Variants in BAZ2B observed in about 807,000 individuals in gnomAD.
The protein encoded by BAZ2B is bromodomain adjacent to zinc finger domain protein 2B.
In BAZ2B, 91 loss-of-function variants were observed where a neutral mutation model predicts 246.0. The ratio of observed to expected loss-of-function variants is 0.37; its 90% CI spans 0.31 to 0.44. The LOEUF is 0.44. Ranked by LOEUF, BAZ2B falls within the 20% of genes least tolerant of loss-of-function variation. The probability of loss-of-function intolerance (pLI) is 1.00; values close to 1 mark genes in which losing one functional copy is unlikely to be tolerated. For synonymous variants in BAZ2B, 855 were observed against 860.0 expected (o/e 0.99, Z 0.10); for missense variants, 2,332 against 2,533.7 (o/e 0.92, Z 1.71).
At chr2:159,440,907 T>C (rs1220191574) in intron 6 of BAZ2B, among the ~76,000 whole-genome samples, 1 of 152,186 alleles carries the variant, frequency 6.6e-6, no homozygotes, top group Non-Finnish European at 1.5e-5. Context: ...CCATCATTTC[T>C]TGAGTTTTCT....
chr2:159,338,761 T>C (rs1185214077), intron 31 of BAZ2B, among the ~76,000 whole-genome samples: 1 of 152,196 alleles, frequency 6.6e-6, no homozygotes, highest in Non-Finnish European at 1.5e-5. Flanking sequence ...TGGGATGATA[T>C]TGCCTGGTCT....
the BAZ2B span, among the ~76,000 whole-genome samples, chr2:159,692,409 C>T: frequency 2.6e-5 from 4 of 152,136 alleles, no homozygotes; most frequent in Non-Finnish European, 4.4e-5. Context: ...CTGTCCACCT[C>T]GGCCTCCCAA....
chr2:159,548,555 T>TC (rs1241657500), intron 2 of BAZ2B, among the ~76,000 whole-genome samples: 5 of 152,226 alleles, frequency 3.3e-5, no homozygotes, highest in African/African-American at 1.2e-4. Context: ...GTACCTAGCA[T>TC]CTTAAAAAAT....
intron 2 of BAZ2B, among the ~76,000 whole-genome samples, chr2:159,540,277 C>T (rs2086505872): frequency 6.6e-6 from 1 of 152,162 alleles, no homozygotes; most frequent in Non-Finnish European, 1.5e-5. Flanking sequence ...AAAATTCCTA[C>T]CTAGGAATGT....
chr2:159,675,166 C>G, the BAZ2B span, among the ~76,000 whole-genome samples: 1 of 152,016 alleles, frequency 6.6e-6, no homozygotes, highest in Non-Finnish European at 1.5e-5. Context: ...CTTTGGGAAG[C>G]CTGGGTGGGA....
At chr2:159,322,995 T>A (rs199971482) in intron 36 of BAZ2B, among the ~76,000 whole-genome samples, 1 of 62,630 alleles carries the variant, frequency 1.6e-5, no homozygotes, top group Non-Finnish European at 7.3e-5. Flanking sequence ...ATTTTGTAGC[T>A]TTTTTTTTTT....
the BAZ2B span, among the ~76,000 whole-genome samples, chr2:159,643,732 C>G: frequency 1.5e-4 from 23 of 151,914 alleles, no homozygotes; most frequent in East Asian, 4.5e-3. Context: ...AAAAATTAGC[C>G]AGGTGTGGTG....
chr2:159,440,500 C>T lies in BAZ2B; in HGVS notation c.697-1288G>A, dbSNP rs922259850. Among the ~76,000 whole-genome samples the T allele has an allele frequency of 4.7e-5, 7 of 148,694 alleles. No individual in the cohort carries two copies. In the East Asian group the frequency reaches 5.9e-4, roughly 13 times the overall value. ...GAGAGTCACTCCCGCCATTATATTC[C>T]GTTTGCAATGACTCTTGTTTTTTTT... On this transcript the variant is annotated intron_variant, in intron 6 of 36. Transcript: ENST00000392783.
chr2:159,501,259 T>C (rs1311068904), intron 2 of BAZ2B, among the ~76,000 whole-genome samples: 1 of 107,980 alleles, frequency 9.3e-6, no homozygotes, highest in Non-Finnish European at 2.0e-5. Context: ...CTGAGCATGG[T>C]GGCTTGCACC....
chr2:159,375,163 A>G (rs2149433167), intron 25 of BAZ2B, among the ~76,000 whole-genome samples: 1 of 152,262 alleles, frequency 6.6e-6, no homozygotes, highest in Admixed American at 6.5e-5. Flanking sequence ...AGCTATGATC[A>G]TGCCACTGCA....
chr2:159,345,038 T>C (rs1575823415), intron 31 of BAZ2B, among the ~76,000 whole-genome samples: 2 of 151,970 alleles, frequency 1.3e-5, no homozygotes, highest in Non-Finnish European at 2.9e-5. Context: ...GGAGAAACCC[T>C]GTCTCTACTA....
chr2:159,607,525 A>G (rs1277961172), intron 1 of BAZ2B, among the ~76,000 whole-genome samples: 1 of 152,176 alleles, frequency 6.6e-6, no homozygotes, highest in Non-Finnish European at 1.5e-5. Flanking sequence ...AAACTGATTA[A>G]CCCATCTTCT....
intron 20 of BAZ2B, among the ~76,000 whole-genome samples, chr2:159,395,153 ACC>A (rs2063841730): frequency 6.6e-6 from 1 of 152,152 alleles, no homozygotes; most frequent in Admixed American, 6.5e-5. Flanking sequence ...CAGCAGGGGA[ACC>A]TGTGTCTTTC....
chr2:159,415,185 G>GC (rs1181693214), intron 13 of BAZ2B, among the ~76,000 whole-genome samples: 1 of 152,052 alleles, frequency 6.6e-6, no homozygotes. Context: ...AGTGGCTCAT[G>GC]CCTATAACAC....
intron 33 of BAZ2B, 79 bp from the exon 34 acceptor site, chr2:159,332,765 T>C (rs2064994812): frequency 6.8e-6 from 10 of 1,465,940 alleles, no homozygotes; most frequent in Non-Finnish European, 9.4e-6. Context: ...ACACCATAAT[T>C]CCTAATTTAT....
At chr2:159,320,508 GA>G (rs2062590004) in intron 36 of BAZ2B, 90 bp from the exon 37 acceptor site, 1 of 1,094,536 alleles carries the variant, frequency 9.1e-7, no homozygotes, top group African/African-American at 1.7e-5. Flanking sequence ...AAAAATGAAA[GA>G]AAAATGATTA....
At chr2:159,463,093 G>C (rs2076608740) in intron 3 of BAZ2B, 1 of 697,326 alleles carries the variant, frequency 1.4e-6, no homozygotes, top group Non-Finnish European at 2.6e-6. Context: ...GTTATAATGG[G>C]CAAATGCACG....
chr2:159,382,619 A>G lies in BAZ2B; in HGVS notation c.3945T>C (p.Asp1315=), dbSNP rs556634414. 3.8e-6 allele frequency: 6 copies of G among 1,566,700 alleles called. No individual in the cohort carries two copies. The East Asian group carries it at 1.2e-4, about 31-fold the overall frequency. The change falls in exon 25 of 37, where the codon GAT becomes GAC. Residue 1315 remains aspartate, a synonymous_variant. Transcript: ENST00000392783. ...TGTCTTCTTTATCTTCTTCATCCTC[A>G]TCATCTTCATCCCCTTGGTCATCAC... is the stretch of plus-strand genomic sequence containing the variant. The part of the protein sequence containing the change: ...DDSDDQGDED[D]EDEEDKEDKK...
At chr2:159,380,284 ATAG>A (rs756463570) in intron 25 of BAZ2B, among the ~76,000 whole-genome samples, 1 of 152,140 alleles carries the variant, frequency 6.6e-6, no homozygotes, top group Non-Finnish European at 1.5e-5. Flanking sequence ...AATGCTTGAA[ATAG>A]TCATCTTCAT....
Sources: allele counts gnomAD v4.1 joint callset (sites outside exome capture counted in the v4.1 genomes callset), GRCh38; gene constraint gnomAD v4.1.1; transcripts MANE v1.5; gene names NCBI Gene and HGNC (gene_info 2026-07-23, HGNC 2026-07-21).